Variants in BCAS3 observed in about 807,000 individuals in gnomAD.
BCAS3 encodes the protein BCAS4/BCAS3 fusion.
Under a neutral mutation model 116.1 loss-of-function variants are expected in BCAS3, and 53 were observed. The observed-to-expected ratio is 0.46, with a 90% CI of 0.37 to 0.57. The LOEUF (loss-of-function observed/expected upper bound fraction) is 0.57. Among genes scored for constraint, BCAS3 ranks in the 20% least tolerant of loss-of-function variants. The pLI is 0.00. For synonymous variants in BCAS3, 391 were observed against 408.2 expected (o/e 0.96, Z 0.51); for missense variants, 917 against 1,165.4 (o/e 0.79, Z 3.10).
chr17:60,683,407 T>G lies in BCAS3; in HGVS notation c.84-575T>G, dbSNP rs188376540. On this transcript the variant is annotated intron_variant, in intron 2 of 23. Coordinates refer to ENST00000407086, the MANE Select transcript of BCAS3 (RefSeq NM_017679.5). Reference sequence around the variant, plus strand: ...CATGACTTTTAAAAAGAGATAATGTTTAAAAATGTTAAAAGCCCATTTACA... The same window carrying G: ...CATGACTTTTAAAAAGAGATAATGTGTAAAAATGTTAAAAGCCCATTTACA... Among the ~76,000 whole-genome samples the G allele has an allele frequency of 1.8e-3, 275 of 151,464 alleles. 9 individuals carry two copies. The highest frequency in any genetic ancestry group is 0.018 in the Admixed American group (274 of 15,132).
At chr17:60,968,888 CTTCCTGCCAGTTAAGGCAAGGATAGTT>C (rs2061801218) in intron 14 of BCAS3, among the ~76,000 whole-genome samples, 2 of 152,294 alleles carry the variant, frequency 1.3e-5, no homozygotes, top group South Asian at 2.1e-4. Flanking sequence ...AGCCACGATA[CTTCCTGCCAGTTAAGGCAAGGATAGTT>C]TTCCTGCCAG....
intron 5 of BCAS3, among the ~76,000 whole-genome samples, chr17:60,728,810 A>G (rs913501638): frequency 6.6e-6 from 1 of 152,038 alleles, no homozygotes; most frequent in Admixed American, 6.6e-5. Flanking sequence ...TAATATACAT[A>G]CTCTGAAATG....
intron 12 of BCAS3, among the ~76,000 whole-genome samples, chr17:60,917,905 T>G (rs1046520556): frequency 2.6e-5 from 4 of 152,210 alleles, no homozygotes; most frequent in African/African-American, 9.6e-5. Flanking sequence ...CTTTCGCCAA[T>G]TTTGAATAAT....
chr17:61,010,141 C>A (rs1469967015), intron 15 of BCAS3, among the ~76,000 whole-genome samples: 1 of 147,866 alleles, frequency 6.8e-6, no homozygotes, highest in Non-Finnish European at 1.5e-5. Context: ...TGCCTCTCTG[C>A]AAAGCTGACC....
rs373741883 is a variant in BCAS3, at chr17:60,976,442, T to TATA, written c.1222-13529_1222-13528insATA. On this transcript the variant is annotated intron_variant, in intron 14 of 23. Coordinates refer to ENST00000407086, the MANE Select transcript of BCAS3 (RefSeq NM_017679.5). ...TTTGGAAACAATATATATATATATATTTTTTTTTTAGTATTTATTGATCAT... is the reference window on the plus strand; with the variant it reads ...TTTGGAAACAATATATATATATATATATATTTTTTTTTAGTATTTATTGATCAT... Among the ~76,000 whole-genome samples the TATA allele has an allele frequency of 9.6e-4, 134 of 138,960 alleles. 1 individual carries two copies. Among genetic ancestry groups the TATA allele is most frequent in the African/African-American group, 1.1e-3 (35 of 32,050 alleles). 91.2% of individuals were successfully genotyped at this position (138,960 alleles called of 152,430 possible). A position where few individuals can be genotyped will look rare whatever the true frequency, so the allele number is the denominator to read the frequency against.
At chr17:60,794,584 G>C (rs1015657446) in intron 6 of BCAS3, among the ~76,000 whole-genome samples, 10 of 152,164 alleles carry the variant, frequency 6.6e-5, no homozygotes, top group Admixed American at 2.0e-4. Flanking sequence ...TTTTGCATAA[G>C]GTGAGAGGTG....
chr17:60,997,248 GGCCACA>G (rs1241205729), intron 15 of BCAS3, among the ~76,000 whole-genome samples: 13 of 152,184 alleles, frequency 8.5e-5, no homozygotes, highest in African/African-American at 3.1e-4. Context: ...GTTTCGTACA[GGCCACA>G]GACCGGTACC....
intron 13 of BCAS3, among the ~76,000 whole-genome samples, chr17:60,942,071 T>TAGC (rs142016905): frequency 6.6e-6 from 1 of 151,704 alleles, no homozygotes; most frequent in Non-Finnish European, 1.5e-5. Flanking sequence ...AGCAAAAAAG[T>TAGC]AGGAGTGGCA....
At chr17:61,225,184 A>C (rs993940877) in intron 22 of BCAS3, among the ~76,000 whole-genome samples, 1 of 149,280 alleles carries the variant, frequency 6.7e-6, no homozygotes, top group African/African-American at 2.5e-5. Context: ...TTAAAGAAAT[A>C]AGACTCATCT....
At chr17:60,948,891 C>A (rs1255445255) in intron 14 of BCAS3, among the ~76,000 whole-genome samples, 4 of 149,860 alleles carry the variant, frequency 2.7e-5, no homozygotes, top group African/African-American at 9.8e-5. Flanking sequence ...TTTTTTTTTC[C>A]CTCAAGATGA....
chr17:61,328,286 C>A (rs1438452269), intron 22 of BCAS3, among the ~76,000 whole-genome samples: 1 of 152,156 alleles, frequency 6.6e-6, no homozygotes, highest in African/African-American at 2.4e-5. Flanking sequence ...GTGCTTGTCT[C>A]TGGGGAAGTA....
intron 22 of BCAS3, among the ~76,000 whole-genome samples, chr17:61,119,510 G>T (rs1295208635): frequency 6.6e-6 from 1 of 152,022 alleles, no homozygotes; most frequent in Non-Finnish European, 1.5e-5. Context: ...GAGATAACTA[G>T]AAATAGAAAG....
At chr17:61,045,287 T>C (rs933443525) in intron 19 of BCAS3, among the ~76,000 whole-genome samples, 1 of 151,490 alleles carries the variant, frequency 6.6e-6, no homozygotes. Flanking sequence ...GGTGGGAAGA[T>C]TGTTTGTGGC....
At chr17:61,033,385 A>G (rs2066787526) in intron 16 of BCAS3, among the ~76,000 whole-genome samples, 4 of 152,168 alleles carry the variant, frequency 2.6e-5, no homozygotes, top group Non-Finnish European at 1.5e-5. Context: ...CTTTGAGATA[A>G]TATAATCATT....
rs1264327088 is a variant in BCAS3, at chr17:61,181,147, G to A, written c.2425+96583G>A. ...AGCTGGGAGGATCACTTGACCCTAG[G>A]AACTCGAGGCTGCATTGAGCTGTAA... On this transcript the variant is annotated intron_variant, in intron 22 of 23. Transcript: ENST00000407086. This position sits in a 1 kb window ranked among gnomAD's most constrained non-coding sequence, Gnocchi z 5.0. Among the ~76,000 whole-genome samples, 2 of 152,156 alleles carry A rather than the reference G, an allele frequency of 1.3e-5. No homozygotes were observed.
intron 6 of BCAS3, among the ~76,000 whole-genome samples, chr17:60,769,173 C>G (rs1211849373): frequency 6.6e-6 from 1 of 152,114 alleles, no homozygotes; most frequent in Non-Finnish European, 1.5e-5. Context: ...ACTAGACTGG[C>G]TGGATGAGTA....
At chr17:60,965,471 T>G (rs2145324043) in intron 14 of BCAS3, among the ~76,000 whole-genome samples, 1 of 152,168 alleles carries the variant, frequency 6.6e-6, no homozygotes, top group African/African-American at 2.4e-5. Context: ...ATCTGCCCCC[T>G]CGGCTTACCA....
At chr17:61,184,505 TG>T (rs1290370772) in intron 22 of BCAS3, among the ~76,000 whole-genome samples, 1 of 152,152 alleles carries the variant, frequency 6.6e-6, no homozygotes, top group African/African-American at 2.4e-5. Context: ...TACATTGTTT[TG>T]GGGAATGCAA....
intron 12 of BCAS3, among the ~76,000 whole-genome samples, chr17:60,921,767 A>G (rs1440460325): frequency 2.0e-5 from 3 of 152,054 alleles, no homozygotes; most frequent in South Asian, 2.1e-4. Context: ...CAATATATCC[A>G]TGTAACAAAC....
Sources: allele counts gnomAD v4.1 joint callset (sites outside exome capture counted in the v4.1 genomes callset), GRCh38; gene constraint gnomAD v4.1.1; non-coding constraint Gnocchi (gnomAD v3.1); transcripts MANE v1.5; gene names NCBI Gene and HGNC (gene_info 2026-07-23, HGNC 2026-07-21).